Variants in PPM1F observed in about 807,000 individuals in gnomAD.
The protein encoded by PPM1F is protein phosphatase, Mg2+/Mn2+ dependent 1F.
A neutral mutation model predicts 35.5 loss-of-function variants in PPM1F; 17 were observed. The ratio of observed to expected loss-of-function variants is 0.48; its 90% CI spans 0.33 to 0.72. PPM1F has a LOEUF of 0.72. Ranked by LOEUF, PPM1F falls within the 30% of genes least tolerant of loss-of-function variation. The probability of loss-of-function intolerance (pLI) is 0.02; values close to 1 mark genes in which losing one functional copy is unlikely to be tolerated. For missense variants in PPM1F, 521 were observed against 613.0 expected, an observed-to-expected ratio of 0.85 and a Z score of 1.59; for synonymous variants, 241 against 255.5, an observed-to-expected ratio of 0.94 and a Z score of 0.54.
intron 7 of PPM1F, among the ~76,000 whole-genome samples, chr22:21,923,742 A>T (rs2070476844): frequency 6.6e-6 from 1 of 151,296 alleles, no homozygotes; most frequent in Non-Finnish European, 1.5e-5. Flanking sequence ...CAGTGGCGCG[A>T]TCTCAGCTCA....
chr22:21,936,564 C>A (rs62234962), intron 3 of PPM1F: 1 of 152,186 alleles, frequency 6.6e-6, no homozygotes, highest in Non-Finnish European at 1.5e-5. Context: ...GCAGTGACTG[C>A]GTGTGCTTCA....
At position 21,922,796 on chromosome 22, in the gene PPM1F, G is replaced by C; in HGVS notation, c.*296C>G. On this transcript the variant is annotated 3_prime_UTR_variant, in exon 8 of 8. Coordinates refer to ENST00000263212, the MANE Select transcript of PPM1F (RefSeq NM_014634.4). ...GTGTCTTTGGTTTGGCTGCCGTTGGGCACCTATGACCTCTGGTCCCACCCC... is the reference window on the plus strand; with the variant it reads ...GTGTCTTTGGTTTGGCTGCCGTTGGCCACCTATGACCTCTGGTCCCACCCC... 1 of 351,758 alleles carries C rather than the reference G, an allele frequency of 2.8e-6. No individual in the cohort carries two copies. The highest frequency in any genetic ancestry group is 5.2e-6 in the Non-Finnish European group (1 of 194,082). The allele number at this position is 351,758 out of a possible 1,614,324, so 21.8% of individuals were successfully genotyped here. A position where few individuals can be genotyped will look rare whatever the true frequency, so the allele number is the denominator to read the frequency against.
Position 21,939,688 on chromosome 22 carries a change from T to C in PPM1F, c.207-8A>G, listed in dbSNP as rs755240429. On this transcript the variant is annotated splice_polypyrimidine_tract_variant and splice_region_variant and intron_variant, in intron 2 of 7. Coordinates refer to ENST00000263212, the MANE Select transcript of PPM1F (RefSeq NM_014634.4). The surrounding 1 kb of genome is among the most constrained non-coding windows in gnomAD (Gnocchi z 5.1). The stretch of plus-strand genomic sequence containing the variant: ...AGTGGTGGCGGGGCCTTCCTAGGGA[T>C]GAGGAGGGGGAAGTGAGGGGCAGCC... 3.9e-6 allele frequency: 6 copies of C among 1,551,362 alleles called. No homozygotes were observed. Among genetic ancestry groups the C allele is most frequent in the Non-Finnish European group, 5.2e-6 (6 of 1,146,862 alleles).
Position 21,939,538 on chromosome 22 carries a change from C to T in PPM1F, c.349G>A (p.Val117Met), listed in dbSNP as rs924700437. ...CAGAAGAAACAGAACTCACAGGTCACAGGGGCCTTTTCCTCCTCGTCATCG... is the reference window on the plus strand; with the variant it reads ...CAGAAGAAACAGAACTCACAGGTCATAGGGGCCTTTTCCTCCTCGTCATCG... ...EDDDEEEKAP[V>M]TLLDAQSLAQ... The change falls in exon 3 of 8, where the codon GTG (valine) becomes ATG (methionine). Residue 117 changes from valine to methionine, a missense_variant. Physicochemically the swap from Val to Met is conservative, Grantham distance 21 (BLOSUM62 1). Coordinates refer to ENST00000263212, the MANE Select transcript of PPM1F (RefSeq NM_014634.4). This position sits in a 1 kb window ranked among gnomAD's most constrained non-coding sequence, Gnocchi z 5.1. 4.4e-6 allele frequency: 7 copies of T among 1,597,692 alleles called. No individual in the cohort carries two copies. The highest frequency in any genetic ancestry group is 5.1e-6 in the Non-Finnish European group (6 of 1,171,144).
At position 21,939,307 on chromosome 22, in the gene PPM1F, C is replaced by A. The variant is rs1190669940; in HGVS notation, c.355+225G>T. ...AGGAGGGTGTCTGCACCACCCACCC[C>A]TGCCTCGTGGGCTGACTGGGAACTA... On this transcript the variant is annotated intron_variant, in intron 3 of 7. Coordinates refer to ENST00000263212, the MANE Select transcript of PPM1F (RefSeq NM_014634.4). This position sits in a 1 kb window ranked among gnomAD's most constrained non-coding sequence, Gnocchi z 5.1. The A allele has an allele frequency of 3.2e-5, 19 of 594,052 alleles. No individual in the cohort carries two copies. The highest frequency in any genetic ancestry group is 5.3e-5 in the Non-Finnish European group (18 of 339,106). The allele number at this position is 594,052 out of a possible 1,614,324, so 36.8% of individuals were successfully genotyped here.
chr22:21,951,779 A>C (rs183816066), intron 1 of PPM1F: 1 of 152,378 alleles, frequency 6.6e-6, no homozygotes, highest in East Asian at 1.9e-4. Context: ...ACTGCAGATG[A>C]AGAAATAGGT....
intron 3 of PPM1F, chr22:21,935,040 G>C (rs1164365060): frequency 6.6e-6 from 1 of 152,114 alleles, no homozygotes. Flanking sequence ...TCACATAAAA[G>C]CTTGAACACA....
intron 3 of PPM1F, chr22:21,935,616 C>A (rs2070649904): frequency 6.6e-6 from 1 of 152,156 alleles, no homozygotes; most frequent in Non-Finnish European, 1.5e-5. Context: ...TGCCTGTAAT[C>A]CCAGCACTTT....
chr22:21,938,703 G>T, intron 3 of PPM1F: 1 of 688,294 alleles, frequency 1.5e-6, no homozygotes, highest in Non-Finnish European at 1.8e-6. Context: ...ATTCAGCTGG[G>T]TGGGACGTTG....
At chr22:21,925,717 C>A (rs2070506391) in intron 6 of PPM1F, 55 bp from the exon 7 acceptor site, 1 of 1,422,420 alleles carries the variant, frequency 7.0e-7, no homozygotes, top group East Asian at 2.3e-5. Context: ...GGCGTGAAGC[C>A]CCCTGCTGCT....
At position 21,925,461 on chromosome 22, in the gene PPM1F, C is replaced by T. The variant is rs240063; in HGVS notation, c.985+108G>A. On this transcript the variant is annotated intron_variant, in intron 7 of 7. Coordinates refer to ENST00000263212, the MANE Select transcript of PPM1F (RefSeq NM_014634.4). The stretch of plus-strand genomic sequence containing the variant: ...ACCCCAGTGCATGACAAATCCCCCT[C>T]GGCCCATCACACTGCCTCCCTGAAC... The T allele has an allele frequency of 9.7e-3, 8,238 of 853,478 alleles. 407 individuals are homozygous for T. In the African/African-American group the frequency reaches 0.11, roughly 12 times the overall value. The allele number at this position is 853,478 out of a possible 1,614,324, so 52.9% of individuals were successfully genotyped here.
At chr22:21,930,078 G>A (rs908970205) in intron 6 of PPM1F, among the ~76,000 whole-genome samples, 12 of 152,228 alleles carry the variant, frequency 7.9e-5, no homozygotes, top group Non-Finnish European at 1.8e-4. Context: ...GAAAAAAACA[G>A]TGTTTGCAGG....
intron 3 of PPM1F, chr22:21,938,174 T>A: frequency 1.5e-6 from 2 of 1,303,404 alleles, no homozygotes; most frequent in South Asian, 2.5e-5. Context: ...AGGACTGGGC[T>A]GGTGCCGGCG....
intron 1 of PPM1F, chr22:21,949,306 C>T (rs1281700706): frequency 1.3e-5 from 2 of 152,224 alleles, no homozygotes; most frequent in Non-Finnish European, 2.9e-5. Flanking sequence ...CAACCTAAGG[C>T]AAGGGGTGAG....
In PPM1F at chr22:21,938,191, C is replaced by T. The variant is rs1381278484; in HGVS notation, c.355+1341G>A. ...GACTGGGCTGGTGCCGGCGCAGCAACGCTCCTTCTCACCGGCAGGTGGCGC... is the reference window on the plus strand; with the variant it reads ...GACTGGGCTGGTGCCGGCGCAGCAATGCTCCTTCTCACCGGCAGGTGGCGC... On this transcript the variant is annotated intron_variant, in intron 3 of 7. Coordinates refer to ENST00000263212, the MANE Select transcript of PPM1F (RefSeq NM_014634.4). 1.1e-5 allele frequency: 14 copies of T among 1,303,342 alleles called. No individual in the cohort carries two copies. The South Asian group carries it at 1.6e-4, about 15-fold the overall frequency. The allele number at this position is 1,303,342 out of a possible 1,614,324, so 80.7% of individuals were successfully genotyped here. A position where few individuals can be genotyped will look rare whatever the true frequency, so the allele number is the denominator to read the frequency against.
intron 6 of PPM1F, among the ~76,000 whole-genome samples, chr22:21,927,948 T>G (rs796158716): frequency 3.0e-4 from 17 of 57,248 alleles, no homozygotes; most frequent in South Asian, 1.1e-3. Context: ...TTTTGTTTTT[T>G]TTTTTTTTTT....
At chr22:21,923,686 TTC>T (rs2070475898) in intron 7 of PPM1F, among the ~76,000 whole-genome samples, 1 of 152,034 alleles carries the variant, frequency 6.6e-6, no homozygotes, top group African/African-American at 2.4e-5. Flanking sequence ...CCCCCTTTTT[TTC>T]TTTTTTCTTT....
At chr22:21,936,969 C>A (rs2070666835) in intron 3 of PPM1F, 2 of 152,222 alleles carry the variant, frequency 1.3e-5, no homozygotes, top group South Asian at 2.1e-4. Context: ...CAAATCCTAC[C>A]TAAGCTTGGC....
At chr22:21,923,629 T>C (rs1296211076) in intron 7 of PPM1F, among the ~76,000 whole-genome samples, 158 bp from the exon 8 acceptor site, 2 of 152,172 alleles carry the variant, frequency 1.3e-5, no homozygotes, top group African/African-American at 4.8e-5. Flanking sequence ...TGCCCAGTAC[T>C]TCCCACTTGC....
Sources: gnomAD v4.1 joint callset for allele counts (sites outside exome capture counted in the v4.1 genomes callset) on GRCh38, gnomAD v4.1.1 for gene constraint, Gnocchi (gnomAD v3.1) non-coding constraint, MANE v1.5 for transcripts, NCBI Gene and HGNC (gene_info 2026-07-23, HGNC 2026-07-21) for gene names.